Variants in TBC1D22A observed in about 807,000 individuals in gnomAD.
TBC1D22A encodes putative GTPase activator.
A neutral mutation model predicts 60.2 loss-of-function variants in TBC1D22A; 38 were observed. That is an observed-to-expected ratio of 0.63 (90% CI 0.49 to 0.83). TBC1D22A has a LOEUF of 0.83. Ranked by LOEUF, TBC1D22A falls within the 40% of genes least tolerant of loss-of-function variation. The pLI is 0.00. For missense variants in TBC1D22A, 628 were observed against 701.0 expected, an observed-to-expected ratio of 0.90 and a Z score of 1.18; for synonymous variants, 302 against 281.7, an observed-to-expected ratio of 1.07 and a Z score of -0.72.
intron 12 of TBC1D22A, among the ~76,000 whole-genome samples, chr22:47,128,101 A>ATCCCCCATCCTCCCTCCACCTCACC: frequency 9.8e-4 from 1 of 1,024 alleles, no homozygotes; most frequent in South Asian, 0.031. Flanking sequence ...TCCACCCCAC[A>ATCCCCCATCCTCCCTCCACCTCACC]CATCCCCCAT....
chr22:47,124,337 C>A (rs1293640458), intron 12 of TBC1D22A, among the ~76,000 whole-genome samples: 1 of 152,162 alleles, frequency 6.6e-6, no homozygotes, highest in Non-Finnish European at 1.5e-5. Flanking sequence ...GCAGAGCTTT[C>A]CTTGTGGGAG....
At position 47,055,918 on chromosome 22, in the gene TBC1D22A, T is replaced by C. The variant is rs200079393; in HGVS notation, c.1329+18720T>C. Among the ~76,000 whole-genome samples the C allele has an allele frequency of 2.3e-3, 192 of 83,874 alleles. 1 individual carries two copies. Among genetic ancestry groups the C allele is most frequent in the Middle Eastern group, 0.011 (2 of 182 alleles). The allele number at this position is 83,874 out of a possible 152,430, so 55.0% of individuals were successfully genotyped here. On this transcript the variant is annotated intron_variant, in intron 11 of 12. Transcript: ENST00000337137. ...GTCGGTGAGATACGCCACTGAGGGT[T>C]GGTGAGATACGCCATTGAGGGTCCT... is the stretch of plus-strand genomic sequence containing the variant.
At chr22:46,992,909 C>T (rs961683262) in intron 9 of TBC1D22A, among the ~76,000 whole-genome samples, 1 of 152,046 alleles carries the variant, frequency 6.6e-6, no homozygotes, top group East Asian at 1.9e-4. Context: ...GCAGAAAAGA[C>T]TTCCCGAGGT....
chr22:47,166,195 C>T (rs550245530), intron 12 of TBC1D22A, among the ~76,000 whole-genome samples: 3 of 152,268 alleles, frequency 2.0e-5, no homozygotes, highest in East Asian at 1.9e-4. Flanking sequence ...CCGGTATCTT[C>T]AGTGTGCACA....
At chr22:46,902,349 G>A (rs775630919) in intron 7 of TBC1D22A, among the ~76,000 whole-genome samples, 2 of 152,122 alleles carry the variant, frequency 1.3e-5, no homozygotes, top group Non-Finnish European at 2.9e-5. Flanking sequence ...AGATACTTTG[G>A]GAAGAGTTTA....
At chr22:46,808,173 C>T (rs1216638039) in intron 4 of TBC1D22A, among the ~76,000 whole-genome samples, 1 of 152,086 alleles carries the variant, frequency 6.6e-6, no homozygotes, top group Non-Finnish European at 1.5e-5. Flanking sequence ...GCCTGGCCAA[C>T]ATGGCAAAAC....
intron 8 of TBC1D22A, among the ~76,000 whole-genome samples, chr22:46,927,199 C>G (rs1021436652): frequency 8.5e-5 from 13 of 152,160 alleles, no homozygotes; most frequent in African/African-American, 3.1e-4. Context: ...ACTTAAAAAT[C>G]CTCAGCAAAG....
chr22:47,086,961 G>T (rs1354579293), intron 11 of TBC1D22A, among the ~76,000 whole-genome samples: 1 of 152,216 alleles, frequency 6.6e-6, no homozygotes, highest in African/African-American at 2.4e-5. Context: ...TGTGAAACTG[G>T]CTGAATAAGC....
chr22:46,822,259 T>C (rs1327483467), intron 4 of TBC1D22A, among the ~76,000 whole-genome samples: 1 of 152,160 alleles, frequency 6.6e-6, no homozygotes. Context: ...CATCTGATCT[T>C]CTGTCCAGTT....
chr22:47,085,604 A>G (rs964670497), intron 11 of TBC1D22A, among the ~76,000 whole-genome samples: 2 of 152,340 alleles, frequency 1.3e-5, no homozygotes, highest in African/African-American at 2.4e-5. Context: ...GGAAAATTGC[A>G]TTAAGTTAAT....
At chr22:46,893,056 C>G (rs2068485093) in intron 6 of TBC1D22A, among the ~76,000 whole-genome samples, 1 of 152,212 alleles carries the variant, frequency 6.6e-6, no homozygotes. Context: ...GGCGTTTGAC[C>G]TGTGGACTGA....
intron 8 of TBC1D22A, among the ~76,000 whole-genome samples, chr22:46,970,765 G>T (rs549969930): frequency 7.6e-4 from 115 of 152,304 alleles, no homozygotes; most frequent in African/African-American, 2.7e-3. Flanking sequence ...GTGGACTCTG[G>T]TTTTGTATAT....
chr22:47,160,143 C>G lies in TBC1D22A; in HGVS notation c.1426-13355C>G, dbSNP rs932283727. On this transcript the variant is annotated intron_variant, in intron 12 of 12. Coordinates refer to ENST00000337137, the MANE Select transcript of TBC1D22A (RefSeq NM_014346.5). ...CCCTTCCTTGGTTTCCCCGCCGCTC[C>G]TTCTCCTTCACACAGCCTGGGTTGT... Among the ~76,000 whole-genome samples the G allele has an allele frequency of 3.9e-5, 6 of 152,266 alleles. 1 individual carries two copies. Among genetic ancestry groups the G allele is most frequent in the East Asian group, 3.8e-4 (2 of 5,200 alleles).
At chr22:46,962,892 AT>A (rs1555971472) in intron 8 of TBC1D22A, among the ~76,000 whole-genome samples, 3 of 152,038 alleles carry the variant, frequency 2.0e-5, no homozygotes, top group South Asian at 4.2e-4. Context: ...AGTTCCTAAA[AT>A]TTTTTTTGTG....
chr22:46,989,564 TGGGGAACTGCCGGTCAGC>T (rs1324318665), intron 9 of TBC1D22A, among the ~76,000 whole-genome samples: 1 of 152,102 alleles, frequency 6.6e-6, no homozygotes, highest in African/African-American at 2.4e-5. Context: ...GGGAGAGAGA[TGGGGAACTGCCGGTCAGC>T]GGGGCAGTTG....
chr22:46,817,260 CT>C (rs139583), intron 4 of TBC1D22A, among the ~76,000 whole-genome samples: 51 of 148,352 alleles, frequency 3.4e-4, no homozygotes, highest in Admixed American at 1.6e-3. Flanking sequence ...CTAGGTTGTC[CT>C]TTTTTTTTTT....
intron 10 of TBC1D22A, among the ~76,000 whole-genome samples, chr22:47,032,807 G>A (rs570691499): frequency 3.3e-5 from 5 of 152,212 alleles, no homozygotes; most frequent in Admixed American, 2.0e-4. Context: ...CCCACTTGCT[G>A]CAGCCCAGAC....
At chr22:46,988,226 C>G (rs990404464) in intron 9 of TBC1D22A, among the ~76,000 whole-genome samples, 4 of 152,206 alleles carry the variant, frequency 2.6e-5, no homozygotes, top group Admixed American at 2.6e-4. Context: ...TCTGTAGTTA[C>G]TTCCTCCACT....
chr22:47,117,994 G>A (rs1234420895), intron 12 of TBC1D22A, among the ~76,000 whole-genome samples: 1 of 151,940 alleles, frequency 6.6e-6, no homozygotes, highest in Non-Finnish European at 1.5e-5. Flanking sequence ...ATGCTGGTGG[G>A]CGCCTATAAT....
Sources: gnomAD v4.1 joint callset for allele counts (sites outside exome capture counted in the v4.1 genomes callset) on GRCh38, gnomAD v4.1.1 for gene constraint, MANE v1.5 for transcripts, NCBI Gene and HGNC (gene_info 2026-07-23, HGNC 2026-07-21) for gene names.